Variants in TPD52 observed in about 807,000 individuals in gnomAD.
TPD52 encodes the protein tumor protein D52, also known as prostate and colon associated protein.
TPD52 carries 17 observed loss-of-function variants against 31.3 expected under a neutral mutation model. The observed-to-expected ratio is 0.54, with a 90% CI of 0.37 to 0.82. TPD52 has a LOEUF of 0.82. Among genes scored for constraint, TPD52 ranks in the 40% least tolerant of loss-of-function variants. The pLI, the probability that TPD52 is intolerant of heterozygous loss-of-function variation, is 0.00. For synonymous variants in TPD52, 83 were observed against 89.6 expected (o/e 0.93, Z 0.42); for missense variants, 212 against 240.1 (o/e 0.88, Z 0.77).
intron 1 of TPD52, among the ~76,000 whole-genome samples, chr8:80,170,212 G>C (rs58889753): frequency 0.17 from 25,756 of 151,910 alleles, 3,731 homozygotes; most frequent in African/African-American, 0.39. Context: ...GTCAGGACTT[G>C]GAGACCAGCC....
chr8:80,067,392 G>A (rs1363470888), intron 1 of TPD52: 2 of 152,124 alleles, frequency 1.3e-5, no homozygotes, highest in African/African-American at 4.8e-5. Context: ...AGAACACCAA[G>A]GAAGAACAGA....
At chr8:80,052,287 G>C (rs998687320) in intron 3 of TPD52, among the ~76,000 whole-genome samples, 9 of 152,096 alleles carry the variant, frequency 5.9e-5, no homozygotes, top group Non-Finnish European at 1.5e-5. Flanking sequence ...CTGGAGATTA[G>C]AGAAGAGAAA....
At chr8:80,112,502 G>A (rs779846888) in intron 1 of TPD52, among the ~76,000 whole-genome samples, 2 of 152,088 alleles carry the variant, frequency 1.3e-5, no homozygotes, top group Non-Finnish European at 2.9e-5. Context: ...ATTCTGGTAT[G>A]AGTAGTCCAT....
At chr8:80,135,926 GA>G (rs1191231868) in intron 1 of TPD52, among the ~76,000 whole-genome samples, 1 of 132,898 alleles carries the variant, frequency 7.5e-6, no homozygotes, top group African/African-American at 2.8e-5. Context: ...GGTGGGAAGT[GA>G]ACAATGAGAT....
chr8:80,079,439 G>A lies in TPD52; in HGVS notation c.20-14846C>T, dbSNP rs964490984. ...TGCTGCTTCACACATCCCTACTGTC[G>A]GCAAATACACAAACCTAAAATACTT... On this transcript the variant is annotated intron_variant, in intron 1 of 7. Coordinates refer to ENST00000518937, the MANE Select transcript of TPD52 (RefSeq NM_001025253.3). Among the ~76,000 whole-genome samples, 7 of 152,098 alleles carry A rather than the reference G, an allele frequency of 4.6e-5. No homozygotes were observed. The East Asian group carries it at 5.8e-4, about 13-fold the overall frequency.
At chr8:80,080,705 T>C (rs1815177935) in intron 1 of TPD52, 1 of 1,164,938 alleles carries the variant, frequency 8.6e-7, no homozygotes, top group Non-Finnish European at 1.1e-6. Context: ...ATTCACCACC[T>C]GGTGTTAATT....
rs11293416 is a variant in TPD52, at chr8:80,079,823, T to TAA, written c.20-15232_20-15231dup. ...GGTACAGCAATTTCTAGTTTTTCTT[T>TAA]AAAAAAAAAAAAATCTCTTGCCTAG... On this transcript the variant is annotated intron_variant, in intron 1 of 7. Coordinates refer to ENST00000518937, the MANE Select transcript of TPD52 (RefSeq NM_001025253.3). Among the ~76,000 whole-genome samples, 1,040 of 150,760 alleles carry TAA rather than the reference T, an allele frequency of 6.9e-3. 7 individuals are homozygous for TAA. The highest frequency in any genetic ancestry group is 9.1e-3 in the Admixed American group (138 of 15,136).
chr8:80,035,287 T>C lies in TPD52; in HGVS notation c.*2829A>G, dbSNP rs1320479826. 1 of 152,220 alleles carries C rather than the reference T, an allele frequency of 6.6e-6. No individual in the cohort carries two copies. The highest frequency in any genetic ancestry group is 1.5e-5 in the Non-Finnish European group (1 of 68,030). 9.4% of individuals were successfully genotyped at this position (152,220 alleles called of 1,614,324 possible). ...CCCCAGGAGTTGGAGGTCAGCCAAC[T>C]CTAAACAAACACAAACATCATTCTG... On this transcript the variant is annotated 3_prime_UTR_variant, in exon 8 of 8. Transcript: ENST00000518937.
chr8:80,082,348 G>A (rs143265777), intron 1 of TPD52, among the ~76,000 whole-genome samples: 40 of 152,294 alleles, frequency 2.6e-4, no homozygotes, highest in African/African-American at 9.4e-4. Context: ...ACTAGAAAGA[G>A]TATGGTTCAT....
At chr8:80,072,317 A>ATATGTGTGTGTGTGTGTGTG (rs1554582865) in intron 1 of TPD52, among the ~76,000 whole-genome samples, 42 of 121,350 alleles carry the variant, frequency 3.5e-4, no homozygotes, top group African/African-American at 1.3e-3. Context: ...AAAAACATAT[A>ATATGTGTGTGTGTGTGTGTG]TGTGTGTGTG....
chr8:80,064,593 C>T lies in TPD52; in HGVS notation c.20G>A (p.Gly7Asp), dbSNP rs1228817011. 1 of 1,613,150 alleles carries T rather than the reference C, an allele frequency of 6.2e-7. No individual in the cohort carries two copies. The change falls in exon 2 of 8, where the codon GGT becomes GAT. Residue 7 changes from glycine (G) to aspartate (D), a missense_variant and splice_region_variant. Physicochemically the swap from Gly to Asp is moderately conservative, Grantham distance 94. Transcript: ENST00000518937. MDRGEQ[G>D]LLRTDPVPEE... ...AGGGACTGGGTCTGTTCTCAGCAGA[C>T]CTGGTTGGGGATTTAAACCATTTTT...
chr8:80,050,109 AAAAC>A (rs1387455793), intron 5 of TPD52, among the ~76,000 whole-genome samples: 7 of 152,240 alleles, frequency 4.6e-5, no homozygotes, highest in East Asian at 1.9e-4. Context: ...CAAAAGCATC[AAAAC>A]AAACAAAGTC....
At chr8:80,096,984 C>T (rs2130911831) in intron 1 of TPD52, among the ~76,000 whole-genome samples, 1 of 152,338 alleles carries the variant, frequency 6.6e-6, no homozygotes, top group African/African-American at 2.4e-5. Context: ...ACCAGACCGC[C>T]TGCACCTGCC....
At position 80,160,889 on chromosome 8, in the gene TPD52, CAAAAAAAAA is replaced by C. The variant is rs58923055; in HGVS notation, c.19+10527_19+10535del. On this transcript the variant is annotated intron_variant, in intron 1 of 7. Coordinates refer to ENST00000518937, the MANE Select transcript of TPD52 (RefSeq NM_001025253.3). Reference sequence around the variant, plus strand: ...CAAAACACCATCTCTACTAAAAATACAAAAAAAAAAAAAAAAAAAAAAAATAGCCCGGCA... The same window carrying C: ...CAAAACACCATCTCTACTAAAAATACAAAAAAAAAAAAAAATAGCCCGGCA... 1.5e-4 allele frequency among the ~76,000 whole-genome samples: 14 copies of C among 95,040 alleles called. No homozygotes were observed. The East Asian group carries it at 2.2e-3, about 15-fold the overall frequency. The allele number at this position is 95,040 out of a possible 152,430, so 62.3% of individuals were successfully genotyped here.
intron 1 of TPD52, among the ~76,000 whole-genome samples, chr8:80,072,020 A>G (rs1039822971): frequency 6.6e-6 from 1 of 152,164 alleles, no homozygotes; most frequent in African/African-American, 2.4e-5. Context: ...TTGTTTTTTA[A>G]GAAATGTAGG....
intron 1 of TPD52, among the ~76,000 whole-genome samples, chr8:80,106,647 T>C (rs1447485737): frequency 6.6e-6 from 1 of 151,310 alleles, no homozygotes; most frequent in Non-Finnish European, 1.5e-5. Flanking sequence ...TGAGCCACTG[T>C]GTCCAGCCTC....
At chr8:80,162,143 T>C (rs562776751) in intron 1 of TPD52, among the ~76,000 whole-genome samples, 1 of 152,294 alleles carries the variant, frequency 6.6e-6, no homozygotes, top group South Asian at 2.1e-4. Flanking sequence ...TCACTATTTT[T>C]AGTACCAATT....
chr8:80,086,766 C>G (rs776318078), intron 1 of TPD52, among the ~76,000 whole-genome samples: 4 of 147,626 alleles, frequency 2.7e-5, no homozygotes, highest in Non-Finnish European at 4.5e-5. Context: ...CCCAGTTACT[C>G]AGAAGACTGA....
At chr8:80,168,952 G>A (rs1811891030) in intron 1 of TPD52, among the ~76,000 whole-genome samples, 1 of 152,182 alleles carries the variant, frequency 6.6e-6, no homozygotes, top group African/African-American at 2.4e-5. Context: ...GCAGGTGGAA[G>A]CAAGAGTAAG....
Sources: gnomAD v4.1 joint callset for allele counts (sites outside exome capture counted in the v4.1 genomes callset) on GRCh38, gnomAD v4.1.1 for gene constraint, MANE v1.5 for transcripts, NCBI Gene and HGNC (gene_info 2026-07-23, HGNC 2026-07-21) for gene names.